The following NRG3 variants were observed in gnomAD, a reference collection of about 807,000 sequenced individuals.
The protein encoded by NRG3 is pro-neuregulin-3, membrane-bound isoform.
In NRG3, 31 loss-of-function variants were observed where a neutral mutation model predicts 66.9. The observed-to-expected ratio is 0.46, with a 90% CI of 0.35 to 0.63. The LOEUF (loss-of-function observed/expected upper bound fraction) is 0.63. NRG3 is among the 20% of genes least tolerant of loss of function. The pLI, the probability that NRG3 is intolerant of heterozygous loss-of-function variation, is 0.00. For missense variants in NRG3, 910 were observed against 878.9 expected (o/e 1.04, Z -0.45); for synonymous variants, 393 against 359.4 (o/e 1.09, Z -1.06).
chr10:82,958,975 A>C lies in NRG3; in HGVS notation c.1184A>C (p.Gln395Pro), dbSNP rs1850347134. ...AAACAAGCTAAACAAATCCAAGAGC[A>C]GCTGAAAGTGCCACAAAATGGTAAA... The part of the protein sequence containing the change: ...SKKQAKQIQE[Q>P]LKVPQNGKSY... The change falls in exon 6 of 9, where the codon CAG becomes CCG. Residue 395 changes from glutamine to proline, a missense_variant. By Grantham distance (76) the Gln-to-Pro change is moderately conservative (BLOSUM62 -1). Coordinates refer to ENST00000372141, the MANE Select transcript of NRG3 (RefSeq NM_001010848.4). The C allele has an allele frequency of 6.2e-7, 1 of 1,601,712 alleles. No homozygotes were observed. Among genetic ancestry groups the C allele is most frequent in the African/African-American group, 1.3e-5 (1 of 74,126 alleles).
chr10:82,606,506 T>C (rs1055511384), intron 2 of NRG3, among the ~76,000 whole-genome samples: 2 of 152,326 alleles, frequency 1.3e-5, no homozygotes, highest in Middle Eastern at 3.4e-3. Context: ...GAATGAAGCA[T>C]TCTGTAGATG....
chr10:82,583,805 G>T (rs926635629), intron 2 of NRG3, among the ~76,000 whole-genome samples: 6 of 151,976 alleles, frequency 3.9e-5, no homozygotes, highest in African/African-American at 1.5e-4. Flanking sequence ...ATTTTGTACT[G>T]AGCCTTTCAA....
chr10:82,019,573 T>A (rs1477015539), intron 1 of NRG3, among the ~76,000 whole-genome samples: 1 of 152,112 alleles, frequency 6.6e-6, no homozygotes, highest in Non-Finnish European at 1.5e-5. Context: ...GTCCTGGAAT[T>A]TTTTTGGTTG....
chr10:82,643,472 G>C (rs1429317211), intron 2 of NRG3, among the ~76,000 whole-genome samples: 1 of 151,802 alleles, frequency 6.6e-6, no homozygotes, highest in Non-Finnish European at 1.5e-5. Context: ...CCCAGGCTCG[G>C]GTATGTATTT....
At chr10:82,260,272 T>C (rs1472441904) in intron 1 of NRG3, among the ~76,000 whole-genome samples, 1 of 152,214 alleles carries the variant, frequency 6.6e-6, no homozygotes, top group Non-Finnish European at 1.5e-5. Context: ...GAACCTATAA[T>C]AGTGGTACAA....
At chr10:82,445,733 A>G (rs1042564745) in intron 2 of NRG3, among the ~76,000 whole-genome samples, 2 of 152,258 alleles carry the variant, frequency 1.3e-5, no homozygotes, top group East Asian at 3.9e-4. Context: ...GTTGTATTCC[A>G]GTAAAATCAC....
intron 3 of NRG3, among the ~76,000 whole-genome samples, chr10:82,817,009 T>C (rs1359303344): frequency 6.6e-6 from 1 of 152,254 alleles, no homozygotes; most frequent in African/African-American, 2.4e-5. Context: ...CTGAACAAAA[T>C]TGTACTTATC....
intron 3 of NRG3, among the ~76,000 whole-genome samples, chr10:82,822,513 C>A (rs1418560893): frequency 1.3e-5 from 2 of 152,186 alleles, no homozygotes; most frequent in Admixed American, 6.5e-5. Flanking sequence ...GGGGTCATAA[C>A]TTGCTCTACA....
intron 1 of NRG3, among the ~76,000 whole-genome samples, chr10:81,885,899 T>G (rs1842574241): frequency 6.6e-6 from 1 of 152,148 alleles, no homozygotes; most frequent in Non-Finnish European, 1.5e-5. Flanking sequence ...CACCAGAATT[T>G]TTTAAAAAAT....
At chr10:82,712,302 T>G (rs1027308454) in intron 2 of NRG3, among the ~76,000 whole-genome samples, 2 of 152,258 alleles carry the variant, frequency 1.3e-5, no homozygotes, top group African/African-American at 4.8e-5. Context: ...CTTTCATTAT[T>G]CTGCTGGCTA....
intron 1 of NRG3, among the ~76,000 whole-genome samples, chr10:82,113,356 C>G (rs890133318): frequency 2.0e-5 from 3 of 152,136 alleles, no homozygotes; most frequent in African/African-American, 4.8e-5. Context: ...CGCTCCTGAT[C>G]ACTATGCAGT....
chr10:82,289,237 G>GT (rs1321382159), intron 1 of NRG3, among the ~76,000 whole-genome samples: 3 of 149,140 alleles, frequency 2.0e-5, no homozygotes, highest in African/African-American at 7.3e-5. Flanking sequence ...AGAGACAAAG[G>GT]TAACAGGACA....
chr10:82,482,556 TAC>T (rs1564973965), intron 2 of NRG3, among the ~76,000 whole-genome samples: 1 of 151,978 alleles, frequency 6.6e-6, no homozygotes, highest in African/African-American at 2.4e-5. Flanking sequence ...AGGTCAGTGC[TAC>T]ACAGAGTGTG....
chr10:82,358,821 C>A lies in NRG3; in HGVS notation c.906C>A (p.Gly302=). 1.2e-6 allele frequency: 2 copies of A among 1,614,152 alleles called. No individual in the cohort carries two copies. The highest frequency in any genetic ancestry group is 1.7e-6 in the Non-Finnish European group (2 of 1,180,030). ...DKDLAYCLND[G]ECFVIETLTG... is the part of the protein sequence containing the mutation. Reference sequence around the variant, plus strand: ...ACCTTGCATACTGTCTCAATGATGGCGAGTGCTTTGTGATCGAAACCCTGA... The same window carrying A: ...ACCTTGCATACTGTCTCAATGATGGAGAGTGCTTTGTGATCGAAACCCTGA... The change falls in exon 2 of 9, where the codon GGC becomes GGA. Residue 302 remains glycine (G), a synonymous_variant. Transcript: ENST00000372141.
At chr10:82,306,766 C>T (rs926011805) in intron 1 of NRG3, among the ~76,000 whole-genome samples, 4 of 147,878 alleles carry the variant, frequency 2.7e-5, no homozygotes, top group Non-Finnish European at 5.9e-5. Context: ...TGGACACATT[C>T]CATCCTATTG....
intron 2 of NRG3, among the ~76,000 whole-genome samples, chr10:82,446,860 G>GT (rs1374962138): frequency 6.6e-6 from 1 of 152,160 alleles, no homozygotes; most frequent in Non-Finnish European, 1.5e-5. Flanking sequence ...TGAAAACCTT[G>GT]TAAGATTTTG....
chr10:82,936,003 G>A lies in NRG3; in HGVS notation c.1055-15466G>A, dbSNP rs138531463. Among the ~76,000 whole-genome samples the A allele has an allele frequency of 4.2e-3, 647 of 152,258 alleles. 5 individuals are homozygous for A. The highest frequency in any genetic ancestry group is 0.015 in the African/African-American group (626 of 41,564). On this transcript the variant is annotated intron_variant, in intron 4 of 8. Coordinates refer to ENST00000372141, the MANE Select transcript of NRG3 (RefSeq NM_001010848.4). ...AATAGTTACATGGGTAGAGAAGGTGGCTAGTAATTAGGAAGCAGTGTATAC... is the reference window on the plus strand; with the variant it reads ...AATAGTTACATGGGTAGAGAAGGTGACTAGTAATTAGGAAGCAGTGTATAC...
chr10:82,805,928 G>A (rs2135467888), intron 3 of NRG3, among the ~76,000 whole-genome samples: 1 of 152,172 alleles, frequency 6.6e-6, no homozygotes, highest in Non-Finnish European at 1.5e-5. Context: ...CACTTCTATT[G>A]CTAAAAATCT....
chr10:82,735,397 C>T (rs938016688), intron 2 of NRG3, among the ~76,000 whole-genome samples: 1 of 152,070 alleles, frequency 6.6e-6, no homozygotes, highest in Non-Finnish European at 1.5e-5. Context: ...TTGAGTGGAG[C>T]TTTGAAAGCA....
Sources: gnomAD v4.1 joint callset for allele counts (sites outside exome capture counted in the v4.1 genomes callset) on GRCh38, gnomAD v4.1.1 for gene constraint, MANE v1.5 for transcripts, NCBI Gene and HGNC (gene_info 2026-07-23, HGNC 2026-07-21) for gene names.